Variants in CENPP observed in about 807,000 individuals in gnomAD.
CENPP encodes the protein centromere protein P.
In CENPP, 24 loss-of-function variants were observed where a neutral mutation model predicts 35.6. The observed-to-expected ratio is 0.67, with a 90% CI of 0.49 to 0.95. The LOEUF is 0.95. CENPP is among the 40% of genes least tolerant of loss of function. The probability of loss-of-function intolerance (pLI) is 0.00; values close to 1 mark genes in which losing one functional copy is unlikely to be tolerated. For synonymous variants in CENPP, 120 were observed against 125.5 expected (o/e 0.96, Z 0.29); for missense variants, 332 against 345.3 (o/e 0.96, Z 0.31).
chr9:92,553,594 T>C (rs1849660480), intron 5 of CENPP, among the ~76,000 whole-genome samples: 1 of 152,180 alleles, frequency 6.6e-6, no homozygotes, highest in African/African-American at 2.4e-5. Context: ...AGCAGTGTTT[T>C]GTAGTTTTCC....
intron 5 of CENPP, among the ~76,000 whole-genome samples, chr9:92,473,027 G>A (rs1325836365): frequency 3.9e-5 from 6 of 152,172 alleles, no homozygotes; most frequent in Non-Finnish European, 1.5e-5. Flanking sequence ...GGTAGGATGG[G>A]TGCAGCAGCA....
chr9:92,495,952 A>G, intron 5 of CENPP: 1 of 987,124 alleles, frequency 1.0e-6, no homozygotes, highest in South Asian at 4.7e-5. Context: ...AAGATACATA[A>G]TTTTTAAAGG....
At chr9:92,438,222 A>T (rs540180417) in intron 5 of CENPP, among the ~76,000 whole-genome samples, 54 of 152,230 alleles carry the variant, frequency 3.5e-4, no homozygotes, top group Middle Eastern at 3.4e-3. Context: ...TATAAGTTTT[A>T]TCTCTTATAT....
chr9:92,417,670 A>G, intron 5 of CENPP: 2 of 686,650 alleles, frequency 2.9e-6, no homozygotes, highest in Non-Finnish European at 4.6e-6. Context: ...TATTATACCT[A>G]TGTCTATATA....
intron 5 of CENPP, among the ~76,000 whole-genome samples, chr9:92,570,141 C>G (rs1850096809): frequency 6.6e-6 from 1 of 152,132 alleles, no homozygotes; most frequent in South Asian, 2.1e-4. Flanking sequence ...TGAGAGAGGG[C>G]ATCCCTGTCT....
At chr9:92,331,609 TG>T (rs1444424143) in intron 1 of CENPP, among the ~76,000 whole-genome samples, 1 of 152,218 alleles carries the variant, frequency 6.6e-6, no homozygotes, top group African/African-American at 2.4e-5. Context: ...ATTTGAAAGG[TG>T]TTTCTAATAT....
intron 4 of CENPP, among the ~76,000 whole-genome samples, chr9:92,372,063 G>T (rs1339373991): frequency 1.7e-5 from 2 of 117,522 alleles, no homozygotes; most frequent in African/African-American, 3.2e-5. Context: ...AAAAAAAAGT[G>T]CTGGGATTAC....
At chr9:92,520,813 T>C (rs546293186) in intron 5 of CENPP, among the ~76,000 whole-genome samples, 1 of 152,358 alleles carries the variant, frequency 6.6e-6, no homozygotes, top group Admixed American at 6.5e-5. Flanking sequence ...AGGCTAATAA[T>C]AGATGAACTT....
chr9:92,480,068 A>G (rs573555783), intron 5 of CENPP, among the ~76,000 whole-genome samples: 12 of 152,240 alleles, frequency 7.9e-5, no homozygotes, highest in African/African-American at 2.6e-4. Context: ...CCTCTGTTTT[A>G]TTAGTTTTGG....
intron 5 of CENPP, among the ~76,000 whole-genome samples, chr9:92,603,154 T>C (rs1254546337): frequency 1.3e-5 from 2 of 152,232 alleles, no homozygotes; most frequent in Non-Finnish European, 2.9e-5. Context: ...CAAAGTCATA[T>C]AGCCAATCAA....
chr9:92,462,380 C>T (rs141936069), intron 5 of CENPP, among the ~76,000 whole-genome samples: 68 of 152,286 alleles, frequency 4.5e-4, no homozygotes, highest in African/African-American at 1.4e-3. Flanking sequence ...CTCTTCTCAA[C>T]GGGGCATATC....
At chr9:92,348,354 TA>T (rs1237080607) in intron 4 of CENPP, among the ~76,000 whole-genome samples, 4 of 152,020 alleles carry the variant, frequency 2.6e-5, no homozygotes, top group African/African-American at 9.7e-5. Context: ...TTCAGATTTC[TA>T]ACTGCTATGC....
intron 4 of CENPP, among the ~76,000 whole-genome samples, chr9:92,348,551 C>A (rs1361732188): frequency 2.0e-5 from 3 of 152,068 alleles, no homozygotes; most frequent in Non-Finnish European, 4.4e-5. Context: ...TACCACCACA[C>A]CCGGCTAATT....
chr9:92,380,338 C>T (rs1842215811), intron 5 of CENPP, among the ~76,000 whole-genome samples: 1 of 152,112 alleles, frequency 6.6e-6, no homozygotes, highest in Admixed American at 6.6e-5. Flanking sequence ...CCTTTTATTC[C>T]CTTTCTTTGT....
chr9:92,366,423 C>A (rs1324607492), intron 4 of CENPP, among the ~76,000 whole-genome samples: 1 of 152,062 alleles, frequency 6.6e-6, no homozygotes, highest in African/African-American at 2.4e-5. Flanking sequence ...TTTGGGCCAC[C>A]CTCTAGACAT....
At chr9:92,351,776 T>C (rs923438684) in intron 4 of CENPP, among the ~76,000 whole-genome samples, 2 of 151,704 alleles carry the variant, frequency 1.3e-5, no homozygotes, top group Non-Finnish European at 2.9e-5. Flanking sequence ...AGGCACCCGC[T>C]ACCATGCCCA....
rs1488937326 is a variant in CENPP, at chr9:92,593,149, T to C, written c.565-18165T>C. ...TCTCAATCCCAGGTGGCAGGAGAGC[T>C]GCCCCCGGGGAGCCACACTGTGTGT... On this transcript the variant is annotated intron_variant, in intron 5 of 7. Coordinates refer to ENST00000375587, the MANE Select transcript of CENPP (RefSeq NM_001012267.3). This position sits in a 1 kb window ranked among gnomAD's most constrained non-coding sequence, Gnocchi z 4.1. Among the ~76,000 whole-genome samples the C allele has an allele frequency of 8.5e-5, 13 of 152,200 alleles. No homozygotes were observed. Among genetic ancestry groups the C allele is most frequent in the Middle Eastern group, 3.2e-3 (1 of 316 alleles).
chr9:92,517,427 T>C (rs941230181), intron 5 of CENPP: 7 of 592,314 alleles, frequency 1.2e-5, no homozygotes, highest in Admixed American at 6.2e-5. Context: ...TCTCTAAAGC[T>C]GAGAGTCAAA....
intron 5 of CENPP, among the ~76,000 whole-genome samples, chr9:92,483,800 C>G (rs934034747): frequency 1.3e-5 from 2 of 152,200 alleles, no homozygotes; most frequent in Non-Finnish European, 2.9e-5. Context: ...TCATCCTCCC[C>G]TCACTTAAAT....
Sources: gnomAD v4.1 joint callset for allele counts (sites outside exome capture counted in the v4.1 genomes callset) on GRCh38, gnomAD v4.1.1 for gene constraint, Gnocchi (gnomAD v3.1) non-coding constraint, MANE v1.5 for transcripts, NCBI Gene and HGNC (gene_info 2026-07-23, HGNC 2026-07-21) for gene names.